Variants in PSIP1 observed in about 807,000 individuals in gnomAD.
PSIP1 encodes the protein PC4 and SRSF1 interacting protein 1.
A neutral mutation model predicts 74.7 loss-of-function variants in PSIP1; 19 were observed. That is an observed-to-expected ratio of 0.25 (90% CI 0.18 to 0.37). The LOEUF (loss-of-function observed/expected upper bound fraction) is 0.37, where lower values mean the gene tolerates loss of function less well. PSIP1 is among the 10% of genes least tolerant of loss of function. PSIP1 has a pLI of 1.00. For missense variants in PSIP1, 601 were observed against 614.3 expected (o/e 0.98, Z 0.23); for synonymous variants, 222 against 195.3 (o/e 1.14, Z -1.14).
At chr9:15,470,383 A>G (rs1044680537) in intron 10 of PSIP1, among the ~76,000 whole-genome samples, 2 of 152,128 alleles carry the variant, frequency 1.3e-5, no homozygotes, top group South Asian at 2.1e-4. Context: ...AAGCAGATTA[A>G]TGAGTTCTGA....
At chr9:15,507,100 G>A (rs2132244682) in intron 2 of PSIP1, among the ~76,000 whole-genome samples, 1 of 152,274 alleles carries the variant, frequency 6.6e-6, no homozygotes, top group South Asian at 2.1e-4. Context: ...TAATGTAAAA[G>A]CAGACATTGA....
intron 6 of PSIP1, among the ~76,000 whole-genome samples, chr9:15,481,581 G>T (rs972872800): frequency 6.6e-6 from 1 of 152,068 alleles, no homozygotes; most frequent in Non-Finnish European, 1.5e-5. Context: ...CCACTCAAGA[G>T]GCTAAGGCAG....
chr9:15,465,458 C>A lies in PSIP1; in HGVS notation c.*62G>T, dbSNP rs1587444159. 1.5e-6 allele frequency: 2 copies of A among 1,379,088 alleles called. No homozygotes were observed. The highest frequency in any genetic ancestry group is 2.2e-5 in the Admixed American group (1 of 45,370). 85.4% of individuals were successfully genotyped at this position (1,379,088 alleles called of 1,614,324 possible). ...ATAAAAATTTAAAACTTTCAGCAGT[C>A]TATTTCAAATGAAAACCATTACAAA... On this transcript the variant is annotated 3_prime_UTR_variant, in exon 16 of 16. Transcript: ENST00000380733.
At chr9:15,484,124 T>A (rs2132108146) in intron 6 of PSIP1, among the ~76,000 whole-genome samples, 1 of 135,332 alleles carries the variant, frequency 7.4e-6, no homozygotes, top group South Asian at 2.3e-4. Context: ...AGAATGAAAC[T>A]CTGTATCCAA....
intron 10 of PSIP1, chr9:15,471,401 AAG>A (rs1587459776): frequency 6.7e-7 from 1 of 1,502,286 alleles, no homozygotes; most frequent in East Asian, 2.4e-5. Flanking sequence ...GGACATTCAA[AAG>A]AAACTGAAAT....
intron 2 of PSIP1, among the ~76,000 whole-genome samples, chr9:15,507,630 C>A (rs1033585893): frequency 6.6e-6 from 1 of 151,828 alleles, no homozygotes; most frequent in African/African-American, 2.4e-5. Context: ...AGAGTGAGAT[C>A]CTGTCTTTAA....
At chr9:15,506,132 A>C (rs2037576441) in intron 3 of PSIP1, 1 of 153,482 alleles carries the variant, frequency 6.5e-6, no homozygotes, top group African/African-American at 2.4e-5. Flanking sequence ...GGACCATATA[A>C]ACACATGGAG....
chr9:15,473,304 G>A (rs2035923740), intron 9 of PSIP1, among the ~76,000 whole-genome samples: 5 of 152,110 alleles, frequency 3.3e-5, no homozygotes, highest in Admixed American at 3.3e-4. Context: ...AGAACTTCTT[G>A]GGGGTAAATA....
At chr9:15,493,367 T>C (rs1042018513) in intron 3 of PSIP1, among the ~76,000 whole-genome samples, 1 of 152,198 alleles carries the variant, frequency 6.6e-6, no homozygotes, top group Non-Finnish European at 1.5e-5. Flanking sequence ...GCCATATCAT[T>C]ATCAGCATTT....
intron 3 of PSIP1, chr9:15,505,645 A>G (rs568935997): frequency 6.6e-6 from 1 of 152,216 alleles, no homozygotes; most frequent in Non-Finnish European, 1.5e-5. Flanking sequence ...AAAGGTTATG[A>G]TAGTCAATAT....
chr9:15,468,861 A>C lies in PSIP1; in HGVS notation c.1207-18T>G. The C allele has an allele frequency of 6.2e-7, 1 of 1,607,808 alleles. No individual in the cohort carries two copies. Among genetic ancestry groups the C allele is most frequent in the South Asian group, 1.1e-5 (1 of 90,666 alleles). On this transcript the variant is annotated intron_variant, in intron 13 of 15. Transcript: ENST00000380733. ...CGCCGTATCTGAGAAAACAATATAC[A>C]TTCATCATAATTGTTTTCCTAATTG...
At chr9:15,496,686 T>C (rs1441363659) in intron 3 of PSIP1, among the ~76,000 whole-genome samples, 1 of 152,240 alleles carries the variant, frequency 6.6e-6, no homozygotes, top group Non-Finnish European at 1.5e-5. Flanking sequence ...GTTCAACTGA[T>C]GTCATACATA....
Position 15,466,753 on chromosome 9 carries a change from C to CT in PSIP1, c.1526dup (p.Lys510GlufsTer6). On this transcript the variant is annotated frameshift_variant, in exon 15 of 16. Transcript: ENST00000380733. LOFTEE classifies it high-confidence loss of function. Reference sequence around the variant, plus strand: ...CATTAAAACCTATTCCTCACTTTTTCTTCGTGCTGGCTTCATGGTTGTCTT... The same window carrying CT: ...CATTAAAACCTATTCCTCACTTTTTCTTTCGTGCTGGCTTCATGGTTGTCTT... The CT allele has an allele frequency of 6.2e-7, 1 of 1,605,122 alleles. No homozygotes were observed. Among genetic ancestry groups the CT allele is most frequent in the South Asian group, 1.1e-5 (1 of 88,966 alleles).
At position 15,510,329 on chromosome 9, in the gene PSIP1, G is replaced by A. The variant is rs1210686924; in HGVS notation, c.-141C>T. The A allele has an allele frequency of 6.2e-6, 3 of 480,372 alleles. No homozygotes were observed. Among genetic ancestry groups the A allele is most frequent in the East Asian group, 8.0e-5 (2 of 24,898 alleles). 29.8% of individuals were successfully genotyped at this position (480,372 alleles called of 1,614,324 possible). A position where few individuals can be genotyped will look rare whatever the true frequency, so the allele number is the denominator to read the frequency against. On this transcript the variant is annotated splice_region_variant and 5_prime_UTR_variant, in exon 2 of 16. Coordinates refer to ENST00000380733, the MANE Select transcript of PSIP1 (RefSeq NM_033222.5). ...TGCCTCGGGGCGTCCCGACGCGCCT[G>A]CTAGGGAGAGCACCGAGGGCGGTTA...
chr9:15,506,909 C>T (rs1162144907), intron 2 of PSIP1, among the ~76,000 whole-genome samples: 3 of 152,190 alleles, frequency 2.0e-5, no homozygotes, highest in African/African-American at 7.2e-5. Context: ...TCTTTGCAGA[C>T]ATATTATTAT....
chr9:15,502,604 T>C (rs1452699188), intron 3 of PSIP1, among the ~76,000 whole-genome samples: 1 of 152,168 alleles, frequency 6.6e-6, no homozygotes, highest in Non-Finnish European at 1.5e-5. Context: ...TAATTACGCA[T>C]GGACTTGAAT....
At chr9:15,501,575 A>C (rs2037346180) in intron 3 of PSIP1, among the ~76,000 whole-genome samples, 1 of 152,062 alleles carries the variant, frequency 6.6e-6, no homozygotes, top group South Asian at 2.1e-4. Context: ...TGAAAAATGT[A>C]ATGAGGCTGG....
At chr9:15,504,685 G>A (rs553135535) in intron 3 of PSIP1, among the ~76,000 whole-genome samples, 5 of 151,458 alleles carry the variant, frequency 3.3e-5, no homozygotes, top group African/African-American at 9.7e-5. Flanking sequence ...TGCAGTGAGC[G>A]GAGATCATGC....
At chr9:15,503,139 G>A (rs1316587866) in intron 3 of PSIP1, among the ~76,000 whole-genome samples, 3 of 152,196 alleles carry the variant, frequency 2.0e-5, no homozygotes, top group Non-Finnish European at 4.4e-5. Context: ...GGCCAAGGCA[G>A]GTGGATCACT....
Sources: allele counts gnomAD v4.1 joint callset (sites outside exome capture counted in the v4.1 genomes callset), GRCh38; gene constraint gnomAD v4.1.1; transcripts MANE v1.5; gene names NCBI Gene and HGNC (gene_info 2026-07-23, HGNC 2026-07-21).